Variants in LMNTD1 observed in about 807,000 individuals in gnomAD.
LMNTD1 encodes the protein lamin tail domain containing 1.
In LMNTD1, 35 loss-of-function variants were observed where a neutral mutation model predicts 50.9. The observed-to-expected ratio is 0.69, with a 90% CI of 0.53 to 0.91. The LOEUF is 0.91. LMNTD1 is among the 40% of genes least tolerant of loss of function. The probability of loss-of-function intolerance (pLI) is 0.00; values close to 1 mark genes in which losing one functional copy is unlikely to be tolerated. For synonymous variants in LMNTD1, 153 were observed against 161.9 expected (o/e 0.94, Z 0.42); for missense variants, 470 against 475.5 (o/e 0.99, Z 0.11).
chr12:25,606,223 G>C (rs1453046188), intron 1 of LMNTD1, among the ~76,000 whole-genome samples: 3 of 152,170 alleles, frequency 2.0e-5, no homozygotes, highest in Non-Finnish European at 2.9e-5. Flanking sequence ...TCAGCTTAAG[G>C]AGATTTTGGG....
intron 9 of LMNTD1, among the ~76,000 whole-genome samples, chr12:25,477,979 T>C (rs1938326150): frequency 6.6e-6 from 1 of 152,086 alleles, no homozygotes; most frequent in Non-Finnish European, 1.5e-5. Context: ...CAGCGCAGGA[T>C]AAAGATGTAG....
chr12:25,595,869 A>C (rs1365741083), intron 1 of LMNTD1, among the ~76,000 whole-genome samples: 2 of 152,138 alleles, frequency 1.3e-5, no homozygotes, highest in Non-Finnish European at 2.9e-5. Flanking sequence ...AGAAGAGAGA[A>C]AATCCAAATA....
At chr12:25,577,132 G>C (rs1196774494) in intron 1 of LMNTD1, among the ~76,000 whole-genome samples, 2 of 152,054 alleles carry the variant, frequency 1.3e-5, no homozygotes, top group Admixed American at 6.6e-5. Flanking sequence ...GTGTGATGCT[G>C]CCAGCTTTGT....
intron 1 of LMNTD1, among the ~76,000 whole-genome samples, chr12:25,634,885 G>A (rs1946794998): frequency 1.3e-5 from 2 of 152,084 alleles, no homozygotes; most frequent in African/African-American, 4.8e-5. Context: ...GTTTGCTGAC[G>A]ATATGATCGT....
At chr12:25,561,745 A>C (rs1167520749) in intron 1 of LMNTD1, among the ~76,000 whole-genome samples, 1 of 152,140 alleles carries the variant, frequency 6.6e-6, no homozygotes, top group Non-Finnish European at 1.5e-5. Flanking sequence ...GTGGGGTGTT[A>C]AAATCTCCCA....
chr12:25,644,313 CAAAA>C lies in LMNTD1; in HGVS notation c.58+4177_58+4180del, dbSNP rs59091210. 5.6e-4 allele frequency among the ~76,000 whole-genome samples: 46 copies of C among 82,090 alleles called. 1 individual carries two copies. In the East Asian group the frequency reaches 0.01, roughly 18 times the overall value. 53.9% of individuals were successfully genotyped at this position (82,090 alleles called of 152,430 possible). A position where few individuals can be genotyped will look rare whatever the true frequency, so the allele number is the denominator to read the frequency against. ...CAACATAGTGATATCCCTTTCTCTA[CAAAA>C]AAAAAAAAAAAAAAAAAATTAGCCA... On this transcript the variant is annotated intron_variant, in intron 1 of 7. Coordinates refer to the LMNTD1 transcript ENST00000445693.
At chr12:25,591,850 A>AGAGAGAGAGAGAGG in intron 1 of LMNTD1, among the ~76,000 whole-genome samples, 1 of 151,370 alleles carries the variant, frequency 6.6e-6, no homozygotes, top group Non-Finnish European at 1.5e-5. Flanking sequence ...AGAGAGAGAG[A>AGAGAGAGAGAGAGG]GAGAGAGACT....
chr12:25,583,423 G>A (rs1295449702), intron 1 of LMNTD1, among the ~76,000 whole-genome samples: 2 of 151,992 alleles, frequency 1.3e-5, no homozygotes, highest in African/African-American at 4.8e-5. Flanking sequence ...CATTCCTTCT[G>A]CCTCCCATAG....
chr12:25,523,010 T>C (rs1941438865), intron 6 of LMNTD1, among the ~76,000 whole-genome samples: 2 of 152,158 alleles, frequency 1.3e-5, no homozygotes. Context: ...TATTTTAGCC[T>C]CCTTTTAATT....
At chr12:25,523,028 T>C (rs1198350949) in intron 6 of LMNTD1, among the ~76,000 whole-genome samples, 1 of 152,140 alleles carries the variant, frequency 6.6e-6, no homozygotes, top group African/African-American at 2.4e-5. Flanking sequence ...ATTTTTTAAA[T>C]TTGTTTTTAT....
At position 25,507,244 on chromosome 12, in the gene LMNTD1, GAAC is replaced by G. The variant is rs1255859665; in HGVS notation, c.1190-3447_1190-3445del. On this transcript the variant is annotated intron_variant, in intron 8 of 9. Transcript: ENST00000458174. ...TAAGATTTCAGTATGAATCTCCTAA[GAAC>G]AACTAACATAACCACAACACAATTA... Among the ~76,000 whole-genome samples the G allele has an allele frequency of 4.6e-5, 7 of 152,186 alleles. No homozygotes were observed. The South Asian group carries it at 8.3e-4, about 18-fold the overall frequency.
intron 1 of LMNTD1, among the ~76,000 whole-genome samples, chr12:25,569,244 G>C (rs1385500003): frequency 1.3e-5 from 2 of 152,236 alleles, no homozygotes; most frequent in African/African-American, 4.8e-5. Context: ...GATTATTTTG[G>C]AGCTTTAAAA....
At chr12:25,523,920 G>T (rs558369868) in intron 6 of LMNTD1, among the ~76,000 whole-genome samples, 1 of 151,932 alleles carries the variant, frequency 6.6e-6, no homozygotes, top group African/African-American at 2.4e-5. Flanking sequence ...AAGAGCATGC[G>T]CAAAGGCCCT....
At chr12:25,477,549 A>G (rs1938309681) in intron 9 of LMNTD1, among the ~76,000 whole-genome samples, 1 of 152,172 alleles carries the variant, frequency 6.6e-6, no homozygotes, top group Admixed American at 6.5e-5. Context: ...ATGAGATTAA[A>G]GTCAGGAGAA....
At chr12:25,587,304 A>C (rs1945559636) in intron 1 of LMNTD1, among the ~76,000 whole-genome samples, 1 of 152,226 alleles carries the variant, frequency 6.6e-6, no homozygotes, top group Non-Finnish European at 1.5e-5. Context: ...GTAATTTATA[A>C]GGAAAAGAGG....
intron 4 of LMNTD1, among the ~76,000 whole-genome samples, chr12:25,538,395 T>C (rs4303311): frequency 0.67 from 100,099 of 149,284 alleles, 33,984 homozygotes; most frequent in Admixed American, 0.73. Flanking sequence ...CCCTACAAGC[T>C]GGAAGAGAGT....
chr12:25,519,853 C>T lies in LMNTD1; in HGVS notation c.1016+5G>A, dbSNP rs201224679. 7 of 1,601,770 alleles carry T rather than the reference C, an allele frequency of 4.4e-6. No individual in the cohort carries two copies. Among genetic ancestry groups the T allele is most frequent in the Non-Finnish European group, 6.0e-6 (7 of 1,171,354 alleles). ...ATTAAAACAAACAAACCAAACAACC[C>T]TTACCTCTTAAGAAGAACTTGAGCT... On this transcript the variant is annotated splice_donor_5th_base_variant and intron_variant, in intron 7 of 9. Transcript: ENST00000458174.
intron 1 of LMNTD1, among the ~76,000 whole-genome samples, chr12:25,613,998 T>G: frequency 6.6e-6 from 1 of 150,508 alleles, no homozygotes. Context: ...CAGAGAGGAG[T>G]ATCATGGACA....
At chr12:25,495,243 T>TGTGTAC (rs1939018226) in intron 9 of LMNTD1, among the ~76,000 whole-genome samples, 1 of 108,678 alleles carries the variant, frequency 9.2e-6, no homozygotes. Context: ...AATCATAAAG[T>TGTGTAC]GTGTACGTGT....
Sources: gnomAD v4.1 joint callset for allele counts (sites outside exome capture counted in the v4.1 genomes callset) on GRCh38, gnomAD v4.1.1 for gene constraint, MANE v1.5 for transcripts, NCBI Gene and HGNC (gene_info 2026-07-23, HGNC 2026-07-21) for gene names.